Variants in KSR2 observed in about 807,000 individuals in gnomAD.
KSR2 encodes the protein kinase suppressor of ras 2.
In KSR2, 25 loss-of-function variants were observed where a neutral mutation model predicts 107.8. The observed-to-expected ratio is 0.23, with a 90% CI of 0.17 to 0.32. The LOEUF (loss-of-function observed/expected upper bound fraction) is 0.32. Ranked by LOEUF, KSR2 falls within the 10% of genes least tolerant of loss-of-function variation. The pLI is 1.00. For missense variants in KSR2, 887 were observed against 1,268.9 expected, an observed-to-expected ratio of 0.70 and a Z score of 4.57; for synonymous variants, 480 against 507.0, an observed-to-expected ratio of 0.95 and a Z score of 0.71.
chr12:117,510,618 T>C (rs1407915584), intron 14 of KSR2, among the ~76,000 whole-genome samples: 1 of 152,234 alleles, frequency 6.6e-6, no homozygotes, highest in Non-Finnish European at 1.5e-5. Flanking sequence ...GGCTCATGCC[T>C]GTAATCCCAG....
intron 5 of KSR2, among the ~76,000 whole-genome samples, chr12:117,583,448 GAT>G (rs1565912061): frequency 6.7e-6 from 1 of 149,614 alleles, no homozygotes; most frequent in Non-Finnish European, 1.5e-5. Flanking sequence ...TGGATGGATG[GAT>G]GGATGGATGG....
intron 3 of KSR2, among the ~76,000 whole-genome samples, chr12:117,775,178 G>A (rs1405225721): frequency 2.0e-5 from 3 of 152,286 alleles, no homozygotes; most frequent in Middle Eastern, 3.4e-3. Context: ...ATCTAGGGGT[G>A]GAGTTGCTGG....
chr12:117,846,476 A>AT (rs964083118), intron 3 of KSR2, among the ~76,000 whole-genome samples: 5 of 150,624 alleles, frequency 3.3e-5, no homozygotes, highest in Admixed American at 2.0e-4. Flanking sequence ...TTTTTTGTCT[A>AT]TTTTTTTGTA....
At chr12:117,696,228 G>A (rs1469452196) in intron 4 of KSR2, among the ~76,000 whole-genome samples, 2 of 152,124 alleles carry the variant, frequency 1.3e-5, no homozygotes, top group African/African-American at 4.8e-5. Context: ...GCTGGGCCCC[G>A]GCTTGGGTTT....
intron 5 of KSR2, among the ~76,000 whole-genome samples, chr12:117,602,315 C>G (rs1024333114): frequency 5.3e-5 from 8 of 152,180 alleles, no homozygotes; most frequent in Non-Finnish European, 7.3e-5. Flanking sequence ...GCACAAACAT[C>G]ACCTCTGTAT....
At chr12:117,676,736 G>A (rs1440503491) in intron 4 of KSR2, among the ~76,000 whole-genome samples, 5 of 152,148 alleles carry the variant, frequency 3.3e-5, no homozygotes, top group African/African-American at 1.2e-4. Flanking sequence ...TTTGAAAAAT[G>A]ACTTGGCAGT....
intron 4 of KSR2, among the ~76,000 whole-genome samples, chr12:117,706,040 T>C (rs1203730851): frequency 7.7e-6 from 1 of 129,692 alleles, no homozygotes; most frequent in Non-Finnish European, 1.6e-5. Context: ...TTGTTGGGTC[T>C]TTTTTTTTTT....
intron 4 of KSR2, among the ~76,000 whole-genome samples, chr12:117,740,068 C>A (rs1172765319): frequency 6.6e-6 from 1 of 150,864 alleles, no homozygotes; most frequent in Non-Finnish European, 1.5e-5. Context: ...AGTCTTTTAT[C>A]CCTCAGTGGC....
In KSR2 at chr12:117,509,383, G is replaced by C. The variant is rs1345021048; in HGVS notation, c.2219+15469C>G. Among the ~76,000 whole-genome samples the C allele has an allele frequency of 2.0e-5, 3 of 152,130 alleles. No individual in the cohort carries two copies. In the East Asian group the frequency reaches 5.8e-4, roughly 29 times the overall value. ...TTCAGGAGCCAGGTGGTGAGATAAG[G>C]CCTAGGGATAGGGCAGCACCAAGGC... On this transcript the variant is annotated intron_variant, in intron 14 of 19. Transcript: ENST00000339824.
chr12:117,488,413 G>T (rs1872584060), intron 14 of KSR2, among the ~76,000 whole-genome samples: 1 of 152,186 alleles, frequency 6.6e-6, no homozygotes, highest in African/African-American at 2.4e-5. Flanking sequence ...GCAATGGATT[G>T]AATGTTTGTG....
At chr12:117,777,085 A>T (rs544997903) in intron 3 of KSR2, among the ~76,000 whole-genome samples, 6 of 94,488 alleles carry the variant, frequency 6.4e-5, no homozygotes, top group African/African-American at 3.2e-4. Context: ...TAATATATAT[A>T]TTTTATATAT....
At chr12:117,725,812 TG>T (rs1887402516) in intron 4 of KSR2, among the ~76,000 whole-genome samples, 1 of 152,044 alleles carries the variant, frequency 6.6e-6, no homozygotes, top group Non-Finnish European at 1.5e-5. Context: ...CCAGGCATGG[TG>T]GTGCACACCT....
chr12:117,581,648 T>G (rs1879669080), intron 6 of KSR2, among the ~76,000 whole-genome samples: 1 of 152,118 alleles, frequency 6.6e-6, no homozygotes, highest in South Asian at 2.1e-4. Flanking sequence ...GAAAGCTAAT[T>G]CAGGGAGTTA....
intron 4 of KSR2, among the ~76,000 whole-genome samples, chr12:117,736,763 A>G (rs1217131697): frequency 1.3e-5 from 2 of 151,804 alleles, no homozygotes; most frequent in Non-Finnish European, 2.9e-5. Context: ...CAGTGAGCCA[A>G]GATTGTGCCA....
chr12:117,809,168 A>G (rs966702431), intron 3 of KSR2, among the ~76,000 whole-genome samples: 1 of 152,214 alleles, frequency 6.6e-6, no homozygotes, highest in Non-Finnish European at 1.5e-5. Flanking sequence ...ATCTTTTACA[A>G]TAATCAGCAT....
intron 3 of KSR2, among the ~76,000 whole-genome samples, chr12:117,821,871 C>A (rs1891574680): frequency 6.6e-6 from 1 of 152,146 alleles, no homozygotes; most frequent in South Asian, 2.1e-4. Flanking sequence ...CCATCTTGAA[C>A]AGAAGTTGGG....
chr12:117,784,631 G>C (rs996406380), intron 3 of KSR2, among the ~76,000 whole-genome samples: 13 of 151,960 alleles, frequency 8.6e-5, no homozygotes, highest in Admixed American at 2.0e-4. Context: ...GCACCCATGG[G>C]TTTTTTTCTC....
chr12:117,801,801 AAGGGGCC>A (rs2137022811), intron 3 of KSR2, among the ~76,000 whole-genome samples: 1 of 148,868 alleles, frequency 6.7e-6, no homozygotes, highest in South Asian at 2.2e-4. Context: ...TCAGATGGAG[AAGGGGCC>A]AGGGAGGTCC....
intron 5 of KSR2, among the ~76,000 whole-genome samples, chr12:117,651,967 T>A (rs1864547870): frequency 6.6e-6 from 1 of 152,148 alleles, no homozygotes; most frequent in Non-Finnish European, 1.5e-5. Flanking sequence ...AGCACTCAAC[T>A]GTCAAAGGCA....
Sources: allele counts gnomAD v4.1 joint callset (sites outside exome capture counted in the v4.1 genomes callset), GRCh38; gene constraint gnomAD v4.1.1; transcripts MANE v1.5; gene names NCBI Gene and HGNC (gene_info 2026-07-23, HGNC 2026-07-21).